Variants in COL4A6 observed in about 807,000 individuals in gnomAD.
COL4A6 encodes the protein collagen type IV alpha 6 chain.
COL4A6 carries 59 observed loss-of-function variants against 126.7 expected under a neutral mutation model. That is an observed-to-expected ratio of 0.47 (90% CI 0.38 to 0.58). The LOEUF (loss-of-function observed/expected upper bound fraction) is 0.58. Among genes scored for constraint, COL4A6 ranks in the 20% least tolerant of loss-of-function variants. The pLI is 0.00. For synonymous variants in COL4A6, 547 were observed against 496.6 expected, an observed-to-expected ratio of 1.10 and a Z score of -1.35; for missense variants, 1,285 against 1,337.3, an observed-to-expected ratio of 0.96 and a Z score of 0.61.
chrX:108,432,661 C>T (rs1394088260), intron 2 of COL4A6, among the ~76,000 whole-genome samples: 5 of 110,345 alleles, frequency 4.5e-5, no homozygotes, highest in African/African-American at 1.7e-4. Flanking sequence ...CATGGTGAAA[C>T]CCCGTCTCTA....
chrX:108,349,190 AT>A (rs1239306536), intron 2 of COL4A6, among the ~76,000 whole-genome samples: 2 of 111,866 alleles, frequency 1.8e-5, no homozygotes, highest in African/African-American at 6.5e-5. Context: ...AAAACTTTTC[AT>A]TTGTACGAAA....
intron 2 of COL4A6, among the ~76,000 whole-genome samples, chrX:108,344,404 C>G: frequency 9.0e-6 from 1 of 111,141 alleles, no homozygotes; most frequent in Middle Eastern, 4.6e-3. Context: ...CAACTATGCT[C>G]CCTTTCTGCT....
chrX:108,355,309 T>C (rs1271392090), intron 2 of COL4A6, among the ~76,000 whole-genome samples: 1 of 112,330 alleles, frequency 8.9e-6, no homozygotes, highest in Non-Finnish European at 1.9e-5. Flanking sequence ...TACAAGAAGT[T>C]TCCATTTTTA....
chrX:108,288,397 A>G (rs947327344), intron 3 of COL4A6, among the ~76,000 whole-genome samples: 4 of 111,809 alleles, frequency 3.6e-5, no homozygotes, highest in African/African-American at 6.5e-5. Context: ...TAGTATGATT[A>G]ATTTCTCATT....
intron 3 of COL4A6, among the ~76,000 whole-genome samples, chrX:108,262,172 T>A (rs1330821145): frequency 8.9e-6 from 1 of 111,752 alleles, no homozygotes; most frequent in Non-Finnish European, 1.9e-5. Context: ...AAATTTCTCA[T>A]GGCAGTTCTA....
At chrX:108,386,040 A>G (rs761813893) in intron 2 of COL4A6, among the ~76,000 whole-genome samples, 2 of 111,591 alleles carry the variant, frequency 1.8e-5, no homozygotes, top group African/African-American at 6.5e-5. Flanking sequence ...CCTGCAAAGG[A>G]CATGAACTCA....
At chrX:108,314,123 A>C (rs1023544064) in intron 2 of COL4A6, among the ~76,000 whole-genome samples, 2 of 111,853 alleles carry the variant, frequency 1.8e-5, no homozygotes, top group African/African-American at 6.5e-5. Flanking sequence ...ATCCTTCAGG[A>C]TGCATAGTAT....
At chrX:108,163,910 T>C (rs1470965303) in intron 40 of COL4A6, among the ~76,000 whole-genome samples, 1 of 111,978 alleles carries the variant, frequency 8.9e-6, no homozygotes, top group Non-Finnish European at 1.9e-5. Flanking sequence ...CTTGGTGTTT[T>C]TGGATAACTG....
intron 2 of COL4A6, among the ~76,000 whole-genome samples, chrX:108,402,607 A>G (rs2041112647): frequency 9.0e-6 from 1 of 111,262 alleles, no homozygotes; most frequent in South Asian, 3.7e-4. Context: ...TCTTATTATA[A>G]GAATTGAATA....
intron 3 of COL4A6, among the ~76,000 whole-genome samples, chrX:108,245,643 G>A (rs1373831645): frequency 9.0e-6 from 1 of 111,447 alleles, no homozygotes; most frequent in Non-Finnish European, 1.9e-5. Flanking sequence ...TCCATATTTC[G>A]ATATGCAGGT....
intron 3 of COL4A6, among the ~76,000 whole-genome samples, chrX:108,281,068 C>G (rs2037804633): frequency 1.0e-5 from 1 of 99,639 alleles, no homozygotes; most frequent in African/African-American, 3.7e-5. Flanking sequence ...GGAAGCATTC[C>G]CTTTGAAAAC....
At chrX:108,431,717 G>A (rs1309220331) in intron 2 of COL4A6, among the ~76,000 whole-genome samples, 1 of 111,327 alleles carries the variant, frequency 9.0e-6, no homozygotes, top group Admixed American at 9.6e-5. Flanking sequence ...GTTTCCAAAG[G>A]AGATTCATGT....
At chrX:108,304,094 A>G (rs73524850) in intron 3 of COL4A6, among the ~76,000 whole-genome samples, 4 of 111,582 alleles carry the variant, frequency 3.6e-5, no homozygotes, top group Admixed American at 9.5e-5. Flanking sequence ...AAAGTCATCC[A>G]GTTGGCAAAG....
intron 2 of COL4A6, among the ~76,000 whole-genome samples, chrX:108,395,445 A>T (rs1162836346): frequency 3.6e-5 from 4 of 112,337 alleles, no homozygotes; most frequent in African/African-American, 1.3e-4. Context: ...ATATTTATCA[A>T]TCTCAAAAGA....
At chrX:108,417,835 C>A (rs760639551) in intron 2 of COL4A6, among the ~76,000 whole-genome samples, 8 of 111,658 alleles carry the variant, frequency 7.2e-5, no homozygotes, top group African/African-American at 2.6e-4. Context: ...ATTTCTCATC[C>A]TTCAGAGAAC....
chrX:108,201,000 T>A (rs1207338002), intron 13 of COL4A6, among the ~76,000 whole-genome samples: 1 of 112,378 alleles, frequency 8.9e-6, no homozygotes, highest in Non-Finnish European at 1.9e-5. Flanking sequence ...TTGGGTGTTC[T>A]GTCTCCAACA....
intron 2 of COL4A6, among the ~76,000 whole-genome samples, chrX:108,343,165 A>ATAGTGTGTGTGTGTGT (rs1377817612): frequency 1.5e-3 from 46 of 31,382 alleles, no homozygotes; most frequent in African/African-American, 4.2e-3. Flanking sequence ...ATATATATAT[A>ATAGTGTGTGTGTGTGT]GTGTGTGTGT....
chrX:108,221,200 G>A, intron 4 of COL4A6, 40 bp downstream of exon 4: 4 of 1,205,447 alleles, frequency 3.3e-6, no homozygotes, highest in Non-Finnish European at 3.4e-6. Context: ...TACATTTGTG[G>A]CCCATGCATC....
intron 2 of COL4A6, among the ~76,000 whole-genome samples, chrX:108,316,647 T>C (rs1053217395): frequency 2.7e-5 from 3 of 111,868 alleles, no homozygotes; most frequent in African/African-American, 9.8e-5. Flanking sequence ...AGGGTGGGGC[T>C]CAGAAATCTA....
Sources: gnomAD v4.1 joint callset for allele counts (sites outside exome capture counted in the v4.1 genomes callset) on GRCh38, gnomAD v4.1.1 for gene constraint, MANE v1.5 for transcripts, NCBI Gene and HGNC (gene_info 2026-07-23, HGNC 2026-07-21) for gene names.